Variants in PPFIA2 observed in about 807,000 individuals in gnomAD.
PPFIA2 encodes PPFI scaffold protein A2, also known as liprin-alpha-2.
A neutral mutation model predicts 175.5 loss-of-function variants in PPFIA2; 46 were observed. The observed-to-expected ratio is 0.26, with a 90% confidence interval of 0.21 to 0.34. The LOEUF is 0.34. Ranked by LOEUF, PPFIA2 falls within the 10% of genes least tolerant of loss-of-function variation. PPFIA2 has a pLI of 1.00. For missense variants in PPFIA2, 1,179 were observed against 1,506.1 expected (o/e 0.78, Z 3.60); for synonymous variants, 568 against 511.4 (o/e 1.11, Z -1.49).
chr12:81,506,796 T>G lies in PPFIA2; in HGVS notation c.304-48930A>C, dbSNP rs11114890. 2.0e-5 allele frequency among the ~76,000 whole-genome samples: 3 copies of G among 152,324 alleles called. No homozygotes were observed. The East Asian group carries it at 5.8e-4, about 29-fold the overall frequency. ...AGGCTTTTCTGACTATACAGTCTCTTTCCTGCCACTCAACTCTGATGTTAT... is the reference window on the plus strand; with the variant it reads ...AGGCTTTTCTGACTATACAGTCTCTGTCCTGCCACTCAACTCTGATGTTAT... On this transcript the variant is annotated intron_variant, in intron 4 of 32. Transcript: ENST00000549396.
chr12:81,382,258 A>C (rs2037889920), intron 9 of PPFIA2, among the ~76,000 whole-genome samples: 1 of 152,160 alleles, frequency 6.6e-6, no homozygotes, highest in Non-Finnish European at 1.5e-5. Context: ...TTAGGATGAG[A>C]CAGTAGATGA....
chr12:81,668,395 T>C (rs928499793), intron 4 of PPFIA2, among the ~76,000 whole-genome samples: 1 of 152,056 alleles, frequency 6.6e-6, no homozygotes, highest in Non-Finnish European at 1.5e-5. Context: ...CCAAATTTAC[T>C]GGAGAAGAAA....
chr12:81,753,831 A>T, intron 3 of PPFIA2, 142 bp downstream of exon 3: 1 of 1,053,574 alleles, frequency 9.5e-7, no homozygotes, highest in Non-Finnish European at 1.3e-6. Context: ...AAGTGAACTA[A>T]TCATCTATTC....
chr12:81,667,131 G>T (rs981610764), intron 4 of PPFIA2, among the ~76,000 whole-genome samples: 35 of 151,988 alleles, frequency 2.3e-4, no homozygotes, highest in African/African-American at 8.5e-4. Context: ...ACATCACCAA[G>T]CTTCTCCAGC....
At chr12:81,306,361 G>A (rs900296515) in intron 22 of PPFIA2, among the ~76,000 whole-genome samples, 1 of 152,070 alleles carries the variant, frequency 6.6e-6, no homozygotes, top group Non-Finnish European at 1.5e-5. Flanking sequence ...GTATTTTGCT[G>A]TGATTCAGTT....
chr12:81,668,766 C>T (rs1287084736), intron 4 of PPFIA2, among the ~76,000 whole-genome samples: 2 of 151,988 alleles, frequency 1.3e-5, no homozygotes, highest in African/African-American at 2.4e-5. Flanking sequence ...ATGTCTAACA[C>T]TTCTCCAAAG....
At chr12:81,526,694 C>T (rs1405988191) in intron 4 of PPFIA2, among the ~76,000 whole-genome samples, 1 of 152,140 alleles carries the variant, frequency 6.6e-6, no homozygotes, top group Non-Finnish European at 1.5e-5. Context: ...AAATAGAACA[C>T]TATGACTTTT....
At chr12:81,514,759 A>G (rs891283070) in intron 4 of PPFIA2, among the ~76,000 whole-genome samples, 3 of 151,968 alleles carry the variant, frequency 2.0e-5, no homozygotes, top group Non-Finnish European at 4.4e-5. Context: ...AAAATTAAAT[A>G]TACTAAATTA....
At chr12:81,503,775 T>C (rs2060843721) in intron 4 of PPFIA2, among the ~76,000 whole-genome samples, 1 of 152,094 alleles carries the variant, frequency 6.6e-6, no homozygotes, top group East Asian at 1.9e-4. Flanking sequence ...AATAGCCATG[T>C]AAATGCATAT....
At position 81,614,540 on chromosome 12, in the gene PPFIA2, T is replaced by C. The variant is rs1241270265; in HGVS notation, c.303+62251A>G. 3.3e-5 allele frequency among the ~76,000 whole-genome samples: 5 copies of C among 152,158 alleles called. No homozygotes were observed. The East Asian group carries it at 7.7e-4, about 23-fold the overall frequency. On this transcript the variant is annotated intron_variant, in intron 4 of 32. Transcript: ENST00000549396. ...TTGGTTTTACAGGAACAAGACAATA[T>C]TAGGCAAAACTGTGGAGTAGACTAA...
intron 2 of PPFIA2, among the ~76,000 whole-genome samples, chr12:81,756,289 T>C (rs1432320251): frequency 6.6e-6 from 1 of 152,116 alleles, no homozygotes; most frequent in East Asian, 1.9e-4. Flanking sequence ...TTAAATTACG[T>C]CCTTCTTGAA....
chr12:81,405,519 T>A (rs1316392298), intron 8 of PPFIA2, among the ~76,000 whole-genome samples: 1 of 151,800 alleles, frequency 6.6e-6, no homozygotes, highest in Non-Finnish European at 1.5e-5. Flanking sequence ...TTCTATATAA[T>A]TTAAATACTT....
At chr12:81,389,154 C>T (rs374856082) in intron 8 of PPFIA2, among the ~76,000 whole-genome samples, 6 of 147,526 alleles carry the variant, frequency 4.1e-5, no homozygotes, top group Admixed American at 3.4e-4. Flanking sequence ...TACACACACA[C>T]ATATATGTAT....
intron 3 of PPFIA2, among the ~76,000 whole-genome samples, chr12:81,708,841 C>T (rs963568118): frequency 2.0e-5 from 3 of 152,116 alleles, no homozygotes; most frequent in African/African-American, 7.2e-5. Context: ...TTCAATGAAC[C>T]TGAATCCATG....
intron 4 of PPFIA2, among the ~76,000 whole-genome samples, chr12:81,488,399 C>T (rs919567953): frequency 6.6e-6 from 1 of 151,614 alleles, no homozygotes; most frequent in African/African-American, 2.4e-5. Flanking sequence ...TCTGTCATAA[C>T]AGGGGATTTC....
At chr12:81,276,680 G>C (rs963156730) in intron 28 of PPFIA2, among the ~76,000 whole-genome samples, 1 of 151,908 alleles carries the variant, frequency 6.6e-6, no homozygotes, top group Non-Finnish European at 1.5e-5. Flanking sequence ...TTTAAATATA[G>C]TATTTTTTCT....
chr12:81,269,957 A>T (rs938433142), intron 28 of PPFIA2, among the ~76,000 whole-genome samples: 3 of 152,142 alleles, frequency 2.0e-5, no homozygotes, highest in Admixed American at 2.0e-4. Flanking sequence ...AAAACAACAC[A>T]TCGGGTACAG....
intron 9 of PPFIA2, among the ~76,000 whole-genome samples, chr12:81,381,089 C>T (rs2037580658): frequency 6.6e-6 from 1 of 151,706 alleles, no homozygotes; most frequent in African/African-American, 2.4e-5. Context: ...TCAGTTCCTA[C>T]AGTCTTGCAC....
chr12:81,577,305 C>G (rs1214653059), intron 4 of PPFIA2, among the ~76,000 whole-genome samples: 1 of 151,722 alleles, frequency 6.6e-6, no homozygotes, highest in Non-Finnish European at 1.5e-5. Flanking sequence ...TATTGTTTTC[C>G]TCCACATTTT....
Sources: allele counts gnomAD v4.1 joint callset (sites outside exome capture counted in the v4.1 genomes callset), GRCh38; gene constraint gnomAD v4.1.1; transcripts MANE v1.5; gene names NCBI Gene and HGNC (gene_info 2026-07-23, HGNC 2026-07-21).